Variants in DPY19L4 observed in about 807,000 individuals in gnomAD.
DPY19L4 encodes the protein probable C-mannosyltransferase DPY19L4.
In DPY19L4, 97 loss-of-function variants were observed where a neutral mutation model predicts 102.8. That is an observed-to-expected ratio of 0.94 (90% CI 0.80 to 1.12). The LOEUF is 1.12. Ranked by LOEUF, DPY19L4 falls within the 50% of genes most tolerant of loss-of-function variation. The pLI, the probability that DPY19L4 is intolerant of heterozygous loss-of-function variation, is 0.00. For synonymous variants in DPY19L4, 252 were observed against 283.1 expected (o/e 0.89, Z 1.10); for missense variants, 815 against 850.4 (o/e 0.96, Z 0.52).
chr8:94,781,100 T>A lies in DPY19L4; in HGVS notation c.1649T>A (p.Met550Lys), dbSNP rs1393333377. The A allele has an allele frequency of 2.6e-6, 4 of 1,555,172 alleles. No individual in the cohort carries two copies. The Admixed American group carries it at 8.0e-5, about 31-fold the overall frequency. Residue 550 changes from methionine (M) to lysine (K), a missense_variant, in exon 16 of 19, where the codon ATG (methionine) becomes AAG (lysine). Physicochemically the swap from Met to Lys is moderately conservative, Grantham distance 95. Coordinates refer to ENST00000414645, the MANE Select transcript of DPY19L4 (RefSeq NM_181787.3). ...SLWKEFFPRLMTELMELQEFY... is the reference protein window; with the variant it reads ...SLWKEFFPRLKTELMELQEFY... The stretch of plus-strand genomic sequence containing the variant: ...GCATTTTAGTTTTTTCCCAGATTAA[T>A]GACAGAATTAATGGAACTACAGGAA...
intron 1 of DPY19L4, 59 bp from the exon 2 acceptor site, chr8:94,726,272 A>G (rs1205298232): frequency 1.4e-6 from 2 of 1,395,584 alleles, no homozygotes; most frequent in African/African-American, 1.5e-5. Flanking sequence ...TAATTGGCTC[A>G]GGATACAGAT....
At chr8:94,776,026 C>CTTTTTTTTTTTTTTTTTTT (rs1165180641) in intron 13 of DPY19L4, among the ~76,000 whole-genome samples, 1 of 81,500 alleles carries the variant, frequency 1.2e-5, no homozygotes, top group Non-Finnish European at 2.2e-5. Flanking sequence ...ATTTTTAAAT[C>CTTTTTTTTTTTTTTTTTTT]TTTTTTTTTT....
At chr8:94,743,095 T>G (rs1472285333) in intron 6 of DPY19L4, among the ~76,000 whole-genome samples, 1 of 152,016 alleles carries the variant, frequency 6.6e-6, no homozygotes, top group Admixed American at 6.6e-5. Context: ...TGGCACAATC[T>G]CGGCTCACTG....
At chr8:94,784,771 G>C (rs1294321887) in intron 17 of DPY19L4, among the ~76,000 whole-genome samples, 2 of 152,008 alleles carry the variant, frequency 1.3e-5, no homozygotes, top group South Asian at 4.1e-4. Context: ...TTAATGTCTT[G>C]GTACTACATT....
chr8:94,746,982 T>C (rs1407060225), intron 6 of DPY19L4, among the ~76,000 whole-genome samples: 1 of 152,118 alleles, frequency 6.6e-6, no homozygotes, highest in Non-Finnish European at 1.5e-5. Context: ...TCAGTTCTCA[T>C]CATTTTGGCT....
Position 94,726,330 on chromosome 8 carries a change from G to T in DPY19L4, c.17-1G>T. 2 of 1,592,898 alleles carry T rather than the reference G, an allele frequency of 1.3e-6. No individual in the cohort carries two copies. The highest frequency in any genetic ancestry group is 1.2e-5 in the South Asian group (1 of 85,750). ...TGCAATAATGTCTTAAATATTTTAAGGACCACCTGTAGAGCTGCGCCAAAG... is the reference window on the plus strand; with the variant it reads ...TGCAATAATGTCTTAAATATTTTAATGACCACCTGTAGAGCTGCGCCAAAG... On this transcript the variant is annotated splice_acceptor_variant, in intron 1 of 18. Transcript: ENST00000414645. LOFTEE classifies it high-confidence loss of function.
At chr8:94,720,116 C>A in intron 1 of DPY19L4, 102 bp downstream of exon 1, 1 of 1,394,320 alleles carries the variant, frequency 7.2e-7, no homozygotes, top group South Asian at 1.5e-5. Context: ...TGGCCGCGGT[C>A]GCGGTGGCGG....
intron 14 of DPY19L4, among the ~76,000 whole-genome samples, chr8:94,779,313 T>C (rs1207155290): frequency 1.3e-5 from 2 of 151,388 alleles, no homozygotes; most frequent in Non-Finnish European, 2.9e-5. Context: ...CCCAGGATTT[T>C]CTTTTCTCTT....
At position 94,787,951 on chromosome 8, in the gene DPY19L4, T is replaced by C; in HGVS notation, c.1906T>C (p.Tyr636His). 1 of 1,514,694 alleles carries C rather than the reference T, an allele frequency of 6.6e-7. No homozygotes were observed. The highest frequency in any genetic ancestry group is 8.8e-7 in the Non-Finnish European group (1 of 1,130,800). The allele number at this position is 1,514,694 out of a possible 1,614,324, so 93.8% of individuals were successfully genotyped here. Residue 636 changes from tyrosine (Y) to histidine (H), a missense_variant, in exon 18 of 19, where the codon TAC becomes CAC. Transcript: ENST00000414645. ...GGATATTTATAAAATACTGACATCT[T>C]ACAAAGCTAATTACCTAATTGTAGA... ...AEDIYKILTS[Y>H]KANYLIVEDA... is the part of the protein sequence containing the mutation.
chr8:94,770,734 C>T (rs1350255975), intron 13 of DPY19L4, among the ~76,000 whole-genome samples, 163 bp downstream of exon 13: 1 of 152,050 alleles, frequency 6.6e-6, no homozygotes, highest in African/African-American at 2.4e-5. Flanking sequence ...CATGGTGAGA[C>T]TCCGTCTCTA....
intron 2 of DPY19L4, among the ~76,000 whole-genome samples, 176 bp from the exon 3 acceptor site, chr8:94,734,454 T>C (rs1248680274): frequency 6.6e-6 from 1 of 152,178 alleles, no homozygotes; most frequent in Non-Finnish European, 1.5e-5. Context: ...CCTTGACAGT[T>C]TGAGAGATAT....
intron 17 of DPY19L4, among the ~76,000 whole-genome samples, chr8:94,786,657 C>G (rs2130945031): frequency 6.6e-6 from 1 of 152,210 alleles, no homozygotes; most frequent in East Asian, 1.9e-4. Flanking sequence ...AAGCAATTCT[C>G]CTGCCTCAGA....
chr8:94,729,597 CAAA>C (rs770975687), intron 2 of DPY19L4, among the ~76,000 whole-genome samples: 3 of 31,042 alleles, frequency 9.7e-5, no homozygotes, highest in Admixed American at 6.0e-4. Flanking sequence ...GATTCCATCT[CAAA>C]AAAAAAAAAA....
At chr8:94,776,044 T>C (rs1813164661) in intron 13 of DPY19L4, among the ~76,000 whole-genome samples, 3 of 142,776 alleles carry the variant, frequency 2.1e-5, no homozygotes, top group African/African-American at 7.8e-5. Context: ...TTTTTTTTTT[T>C]TTTTTTGAGA....
intron 7 of DPY19L4, among the ~76,000 whole-genome samples, chr8:94,761,181 A>T (rs546143655): frequency 1.3e-5 from 2 of 152,242 alleles, no homozygotes; most frequent in Admixed American, 6.5e-5. Context: ...TGAAAGGGTA[A>T]TAGAGCCTGA....
intron 1 of DPY19L4, among the ~76,000 whole-genome samples, chr8:94,722,734 C>T (rs1027258517): frequency 2.0e-5 from 3 of 152,176 alleles, no homozygotes; most frequent in Non-Finnish European, 2.9e-5. Context: ...CCCCAGAATC[C>T]GTATTATCTT....
At chr8:94,766,763 CA>C in intron 11 of DPY19L4, 78 bp downstream of exon 11, 1 of 1,294,640 alleles carries the variant, frequency 7.7e-7, no homozygotes. Context: ...GATGGCCGGG[CA>C]TAGTGGCTCA....
At chr8:94,779,588 A>G (rs1813342336) in intron 14 of DPY19L4, among the ~76,000 whole-genome samples, 1 of 151,660 alleles carries the variant, frequency 6.6e-6, no homozygotes, top group Non-Finnish European at 1.5e-5. Context: ...CTTGGCCCCC[A>G]AGTTCTGGAA....
At chr8:94,785,459 A>G (rs932551130) in intron 17 of DPY19L4, among the ~76,000 whole-genome samples, 3 of 152,222 alleles carry the variant, frequency 2.0e-5, no homozygotes, top group Non-Finnish European at 4.4e-5. Flanking sequence ...AAAGAAATAT[A>G]TATGATTCCA....
Sources: gnomAD v4.1 joint callset for allele counts (sites outside exome capture counted in the v4.1 genomes callset) on GRCh38, gnomAD v4.1.1 for gene constraint, MANE v1.5 for transcripts, NCBI Gene and HGNC (gene_info 2026-07-23, HGNC 2026-07-21) for gene names.